Variants in COL18A1 observed in about 807,000 individuals in gnomAD.
The protein encoded by COL18A1 is collagen alpha-1(XVIII) chain.
COL18A1 carries 133 observed loss-of-function variants against 168.0 expected under a neutral mutation model. The observed-to-expected ratio is 0.79, with a 90% CI of 0.69 to 0.91. COL18A1 has a LOEUF of 0.91. Ranked by LOEUF, COL18A1 falls within the 40% of genes least tolerant of loss-of-function variation. The pLI is 0.00. For synonymous variants in COL18A1, 949 were observed against 809.0 expected (o/e 1.17, Z -2.94); for missense variants, 2,126 against 1,925.4 (o/e 1.10, Z -1.95).
chr21:45,442,817 A>AGGTCCTGGTGTGGGCGGC (rs1359667059), intron 2 of COL18A1, among the ~76,000 whole-genome samples: 6 of 56,100 alleles, frequency 1.1e-4, no homozygotes, highest in Admixed American at 5.6e-4. Context: ...GTGTGGGCGG[A>AGGTCCTGGTGTGGGCGGC]GGTCCTGGTG....
At chr21:45,424,853 A>G (rs1200519952) in intron 2 of COL18A1, 1 of 152,376 alleles carries the variant, frequency 6.6e-6, no homozygotes, top group East Asian at 1.9e-4. Context: ...TTGCTCAGGC[A>G]CTGCCTCGCC....
intron 13 of COL18A1, among the ~76,000 whole-genome samples, 154 bp downstream of exon 13, chr21:45,481,012 C>T (rs1020959833): frequency 2.0e-5 from 3 of 152,198 alleles, no homozygotes; most frequent in African/African-American, 4.8e-5. Flanking sequence ...GTTGCTGACT[C>T]GGGGCCACCC....
chr21:45,406,074 T>C (rs1457392512), intron 2 of COL18A1, among the ~76,000 whole-genome samples: 1 of 152,080 alleles, frequency 6.6e-6, no homozygotes, highest in Admixed American at 6.5e-5. Flanking sequence ...CCCGCCGGCC[T>C]CGCCGCTTCC....
At chr21:45,492,993 C>T (rs978634391) in intron 24 of COL18A1, among the ~76,000 whole-genome samples, 170 bp from the exon 25 acceptor site, 1 of 151,904 alleles carries the variant, frequency 6.6e-6, no homozygotes, top group Non-Finnish European at 1.5e-5. Flanking sequence ...TGGTGGGGGT[C>T]ACCTGCGGAG....
Position 45,405,325 on chromosome 21 carries a change from CCT to C in COL18A1, c.12-53_12-52del, listed in dbSNP as rs1569270314. ...CGGGGGTCGCGGGGCTCGGCCGGGT[CCT>C]GCGGGGGTCGCGGGGGTCCTGCGGG... On this transcript the variant is annotated intron_variant, in intron 1 of 41. Coordinates refer to ENST00000651438, the MANE Select transcript of COL18A1 (RefSeq NM_001379500.1). 148 of 985,850 alleles carry C rather than the reference CCT, an allele frequency of 1.5e-4. No homozygotes were observed. The South Asian group carries it at 3.2e-3, about 21-fold the overall frequency. The allele number at this position is 985,850 out of a possible 1,614,324, so 61.1% of individuals were successfully genotyped here. A position where few individuals can be genotyped will look rare whatever the true frequency, so the allele number is the denominator to read the frequency against.
Position 45,493,156 on chromosome 21 carries a change from A to T in COL18A1, c.2215-7A>T, listed in dbSNP as rs576172127. 3.7e-5 allele frequency: 57 copies of T among 1,555,328 alleles called. No homozygotes were observed. In the South Asian group the frequency reaches 5.7e-4, roughly 15 times the overall value. On this transcript the variant is annotated splice_region_variant and splice_polypyrimidine_tract_variant and intron_variant, in intron 24 of 41. Coordinates refer to ENST00000651438, the MANE Select transcript of COL18A1 (RefSeq NM_001379500.1). ...GCTCGGGCCTCACGGCCTGGCCTCC[A>T]TTCCAGGGACCTGCAGGACCCAAGG...
intron 2 of COL18A1, among the ~76,000 whole-genome samples, chr21:45,426,037 A>G (rs982984394): frequency 4.0e-5 from 6 of 151,644 alleles, no homozygotes; most frequent in African/African-American, 1.2e-4. Context: ...CTGCTTCCCC[A>G]CCTTTTCACA....
At chr21:45,458,164 G>A (rs2034906939) in intron 2 of COL18A1, among the ~76,000 whole-genome samples, 1 of 150,386 alleles carries the variant, frequency 6.6e-6, no homozygotes, top group African/African-American at 2.4e-5. Context: ...GGGGGCACAG[G>A]AACTGCGCTG....
chr21:45,476,297 T>C, intron 5 of COL18A1, 54 bp from the exon 6 acceptor site: 1 of 1,612,066 alleles, frequency 6.2e-7, no homozygotes. Context: ...CAAGCAAGTC[T>C]CCACCGGGCA....
At chr21:45,488,388 A>C (rs1165158211) in intron 17 of COL18A1, 30 bp from the exon 18 acceptor site, 1 of 1,613,574 alleles carries the variant, frequency 6.2e-7, no homozygotes, top group Non-Finnish European at 8.5e-7. Context: ...CTCCAGCTGC[A>C]CTAACACTGT....
chr21:45,437,355 TGC>T (rs766782233), intron 2 of COL18A1, among the ~76,000 whole-genome samples: 81 of 38,368 alleles, frequency 2.1e-3, no homozygotes, highest in East Asian at 2.9e-3. Context: ...GGCACTCTCC[TGC>T]GCACACACAC....
chr21:45,408,781 G>T (rs1167236331), intron 2 of COL18A1, among the ~76,000 whole-genome samples: 3 of 152,192 alleles, frequency 2.0e-5, no homozygotes, highest in Non-Finnish European at 4.4e-5. Context: ...AGGAGACCCG[G>T]CTGGGTCTGG....
chr21:45,472,640 C>T (rs2035482095), intron 3 of COL18A1, among the ~76,000 whole-genome samples: 2 of 152,094 alleles, frequency 1.3e-5, no homozygotes, highest in Admixed American at 6.5e-5. Context: ...ACAGTGGACC[C>T]TGGACCCCAC....
At chr21:45,448,423 A>G (rs995435644) in intron 2 of COL18A1, among the ~76,000 whole-genome samples, 5 of 152,222 alleles carry the variant, frequency 3.3e-5, no homozygotes, top group African/African-American at 1.2e-4. Context: ...ATACCCATGC[A>G]CACATTCACA....
Position 45,505,450 on chromosome 21 carries a change from G to A in COL18A1, c.3087+19G>A, listed in dbSNP as rs772135853. On this transcript the variant is annotated intron_variant, in intron 36 of 41. Coordinates refer to ENST00000651438, the MANE Select transcript of COL18A1 (RefSeq NM_001379500.1). ...CTCAGGGGTAAGTGTCTGGGCAGCC[G>A]GCTGGGCACCTGCGTCCCGTGCCCT... The A allele has an allele frequency of 5.2e-5, 74 of 1,417,320 alleles. 1 individual carries two copies. Among genetic ancestry groups the A allele is most frequent in the South Asian group, 1.4e-4 (12 of 83,546 alleles). 87.8% of individuals were successfully genotyped at this position (1,417,320 alleles called of 1,614,324 possible). A position where few individuals can be genotyped will look rare whatever the true frequency, so the allele number is the denominator to read the frequency against.
At chr21:45,408,304 G>A (rs560319519) in intron 2 of COL18A1, among the ~76,000 whole-genome samples, 6 of 152,342 alleles carry the variant, frequency 3.9e-5, no homozygotes, top group South Asian at 4.1e-4. Context: ...TCCCAGTCAC[G>A]CGAAGTGCAG....
chr21:45,451,481 C>T (rs1012908066), intron 2 of COL18A1, among the ~76,000 whole-genome samples: 4 of 152,184 alleles, frequency 2.6e-5, no homozygotes, highest in African/African-American at 4.8e-5. Context: ...TGTGGGGTGC[C>T]GCCTTTCCGG....
In COL18A1 at chr21:45,505,273, G is replaced by A. The variant is rs746755471; in HGVS notation, c.3008G>A (p.Arg1003Lys). 10 of 1,609,070 alleles carry A rather than the reference G, an allele frequency of 6.2e-6. No individual in the cohort carries two copies. The highest frequency in any genetic ancestry group is 7.6e-6 in the Non-Finnish European group (9 of 1,177,238). The change falls in exon 35 of 42, where the codon AGG becomes AAG. Residue 1003 changes from arginine (R) to lysine (K), a missense_variant. Coordinates refer to ENST00000651438, the MANE Select transcript of COL18A1 (RefSeq NM_001379500.1). Reference protein sequence around the residue: ...PGPPSFPGPHRQTISVPGPPG... With the variant: ...PGPPSFPGPHKQTISVPGPPG... ...CCCCCTTCATTTCCTGGCCCTCACA[G>A]GCAGAGTAAGTCAGTGGGGAGTGGG...
intron 34 of COL18A1, among the ~76,000 whole-genome samples, chr21:45,504,871 C>T (rs3753019): frequency 0.3 from 45,778 of 151,910 alleles, 7,180 homozygotes; most frequent in East Asian, 0.46. Flanking sequence ...TGAAAGACTC[C>T]AGAGAGCCAT....
Sources: gnomAD v4.1 joint callset for allele counts (sites outside exome capture counted in the v4.1 genomes callset) on GRCh38, gnomAD v4.1.1 for gene constraint, MANE v1.5 for transcripts, NCBI Gene and HGNC (gene_info 2026-07-23, HGNC 2026-07-21) for gene names.